SYNM: variants seen among roughly 807,000 people sequenced by gnomAD.
SYNM encodes the protein desmuslin.
A neutral mutation model predicts 104.0 loss-of-function variants in SYNM; 95 were observed. The ratio of observed to expected loss-of-function variants is 0.91; its 90% CI spans 0.77 to 1.08. The LOEUF (loss-of-function observed/expected upper bound fraction) is 1.08, where lower values mean the gene tolerates loss of function less well. Ranked by LOEUF, SYNM falls within the 50% of genes least tolerant of loss-of-function variation. The pLI is 0.00. For missense variants in SYNM, 2,150 were observed against 2,052.2 expected (o/e 1.05, Z -0.92); for synonymous variants, 918 against 869.0 (o/e 1.06, Z -0.99).
In SYNM at chr15:99,130,793, C is replaced by T; in HGVS notation, c.2433C>T (p.Asn811=). The T allele has an allele frequency of 6.2e-7, 1 of 1,613,954 alleles. No individual in the cohort carries two copies. Among genetic ancestry groups the T allele is most frequent in the Non-Finnish European group, 8.5e-7 (1 of 1,179,890 alleles). ...GAAGGACCAAGCAGCCTCAGGAGAACACGACTCACGTGGAAGAAGTGACAG... is the reference window on the plus strand; with the variant it reads ...GAAGGACCAAGCAGCCTCAGGAGAATACGACTCACGTGGAAGAAGTGACAG... ...QHRRTKQPQE[N]TTHVEEVTEA... Residue 811 remains asparagine (N), a synonymous_variant, in exon 4 of 4, where the codon AAC becomes AAT. Coordinates refer to ENST00000336292, the MANE Select transcript of SYNM (RefSeq NM_145728.3).
chr15:99,122,880 C>G (rs2067414048), intron 2 of SYNM, among the ~76,000 whole-genome samples: 1 of 152,168 alleles, frequency 6.6e-6, no homozygotes, highest in Non-Finnish European at 1.5e-5. Flanking sequence ...AAAGGATCGA[C>G]CAGTACCTTT....
chr15:99,124,867 C>T (rs2151806340), intron 2 of SYNM, among the ~76,000 whole-genome samples: 1 of 152,274 alleles, frequency 6.6e-6, no homozygotes, highest in Admixed American at 6.5e-5. Flanking sequence ...GCCTGGTGCT[C>T]AGTGTCAGCC....
intron 2 of SYNM, among the ~76,000 whole-genome samples, chr15:99,121,564 T>C (rs1001508772): frequency 4.6e-5 from 7 of 152,278 alleles, no homozygotes; most frequent in Admixed American, 3.9e-4. Context: ...GATGATGAGA[T>C]GGTGAAAACC....
At chr15:99,111,558 A>G (rs2067299938) in intron 1 of SYNM, among the ~76,000 whole-genome samples, 1 of 152,168 alleles carries the variant, frequency 6.6e-6, no homozygotes, top group Non-Finnish European at 1.5e-5. Context: ...CAGCTGTGGG[A>G]TCTGTTATCG....
At position 99,105,159 on chromosome 15, in the gene SYNM, A is replaced by T; in HGVS notation, c.-41A>T. The T allele has an allele frequency of 6.4e-7, 1 of 1,552,972 alleles. No homozygotes were observed. On this transcript the variant is annotated 5_prime_UTR_variant, in exon 1 of 4. Transcript: ENST00000336292. The stretch of plus-strand genomic sequence containing the variant: ...GAGACCGGGACAAGACCAGGGCAGG[A>T]GGGAGCCGGCCAGCCGCGAGAACCC...
At position 99,130,889 on chromosome 15, in the gene SYNM, C is replaced by T. The variant is rs1567283906; in HGVS notation, c.2529C>T (p.Asp843=). ...STPDEHPGGH[D]RDDGSVYGQI... ...CAGATGAACACCCCGGGGGGCACGA[C>T]AGAGATGACGGCTCGGTGTACGGGC... The change falls in exon 4 of 4, where the codon GAC becomes GAT. Residue 843 remains aspartate, a synonymous_variant. Coordinates refer to ENST00000336292, the MANE Select transcript of SYNM (RefSeq NM_145728.3). 3.1e-6 allele frequency: 5 copies of T among 1,613,902 alleles called. No individual in the cohort carries two copies. The highest frequency in any genetic ancestry group is 4.2e-6 in the Non-Finnish European group (5 of 1,179,878).
At chr15:99,113,524 TGG>T in intron 1 of SYNM, 65 bp from the exon 2 acceptor site, 1 of 1,595,394 alleles carries the variant, frequency 6.3e-7, no homozygotes, top group Non-Finnish European at 8.6e-7. Flanking sequence ...CCTGAATTGT[TGG>T]TACCTTCAGT....
chr15:99,113,475 C>G, intron 1 of SYNM, 116 bp from the exon 2 acceptor site: 1 of 1,358,022 alleles, frequency 7.4e-7, no homozygotes, highest in Non-Finnish European at 1.0e-6. Context: ...GGGTGTTTTT[C>G]TGGTCTGCTA....
At position 99,105,483 on chromosome 15, in the gene SYNM, T is replaced by C. The variant is rs1555482431; in HGVS notation, c.284T>C (p.Leu95Pro). Residue 95 changes from leucine (L) to proline (P), a missense_variant, in exon 1 of 4, where the codon CTG (leucine) becomes CCG (proline). By Grantham distance (98) the Leu-to-Pro change is moderately conservative. Coordinates refer to ENST00000336292, the MANE Select transcript of SYNM (RefSeq NM_145728.3). ...RDALRRELRE[L>P]QRLDAEERAA... ...GCTCTGCGGCGCGAGCTGCGGGAGC[T>C]GCAGCGCCTGGATGCGGAGGAGCGC... 2 of 1,359,032 alleles carry C rather than the reference T, an allele frequency of 1.5e-6. No individual in the cohort carries two copies. The highest frequency in any genetic ancestry group is 9.4e-7 in the Non-Finnish European group (1 of 1,059,608). 84.2% of individuals were successfully genotyped at this position (1,359,032 alleles called of 1,614,324 possible). A position where few individuals can be genotyped will look rare whatever the true frequency, so the allele number is the denominator to read the frequency against.
intron 2 of SYNM, among the ~76,000 whole-genome samples, chr15:99,122,795 C>T (rs1369471187): frequency 6.6e-6 from 1 of 152,186 alleles, no homozygotes. Context: ...GCTGAGATGG[C>T]ACCACTGCAC....
intron 2 of SYNM, among the ~76,000 whole-genome samples, chr15:99,114,986 A>C (rs1457144611): frequency 2.6e-5 from 4 of 152,160 alleles, no homozygotes; most frequent in African/African-American, 7.2e-5. Flanking sequence ...CGTGGTGCTG[A>C]GTTCTTTGCC....
chr15:99,105,383 G>C lies in SYNM; in HGVS notation c.184G>C (p.Glu62Gln). ...GGCCGAGGGGCAGGCCCGCTGCGCC[G>C]AGGAGGCGCGCAGCTTGCGGCAGCA... is the stretch of plus-strand genomic sequence containing the variant. ...LWAEGQARCAEEARSLRQQLD... is the reference protein window; with the variant it reads ...LWAEGQARCAQEARSLRQQLD... The change falls in exon 1 of 4, where the codon GAG (glutamate) becomes CAG (glutamine). Residue 62 changes from glutamate (E) to glutamine (Q), a missense_variant. Physicochemically the swap from Glu to Gln is conservative, Grantham distance 29. Coordinates refer to ENST00000336292, the MANE Select transcript of SYNM (RefSeq NM_145728.3). 6.6e-7 allele frequency: 1 copy of C among 1,517,104 alleles called. No homozygotes were observed. The highest frequency in any genetic ancestry group is 8.8e-7 in the Non-Finnish European group (1 of 1,138,466). 94.0% of individuals were successfully genotyped at this position (1,517,104 alleles called of 1,614,324 possible).
downstream of SYNM, chr15:99,139,282 A>G (rs2067932719): frequency 6.3e-7 from 1 of 1,578,120 alleles, no homozygotes; most frequent in Admixed American, 1.7e-5. Flanking sequence ...TGGAAAGGGA[A>G]TGAGATAGAG....
chr15:99,131,062 A>G lies in SYNM; in HGVS notation c.2702A>G (p.Asp901Gly), dbSNP rs376913684. 1.9e-6 allele frequency: 3 copies of G among 1,606,270 alleles called. No homozygotes were observed. The African/African-American group carries it at 4.0e-5, about 22-fold the overall frequency. ...GTCCCAGCGCCCTCTCTGGAGGGGG[A>G]CCTGGGTTCCACTCACTGGAAAGAA... ...LDVPAPSLEG[D>G]LGSTHWKEQA... Residue 901 changes from aspartate to glycine, a missense_variant, in exon 4 of 4, where the codon GAC (aspartate) becomes GGC (glycine). Transcript: ENST00000336292. The surrounding 1 kb of genome is among the most constrained non-coding windows in gnomAD (Gnocchi z 4.3).
chr15:99,110,131 T>G, intron 1 of SYNM, among the ~76,000 whole-genome samples: 1 of 152,090 alleles, frequency 6.6e-6, no homozygotes, highest in Admixed American at 6.5e-5. Flanking sequence ...AGATTGAATG[T>G]GATGGGAGAG....
chr15:99,118,786 C>G (rs1555484222), intron 2 of SYNM, among the ~76,000 whole-genome samples: 1 of 152,174 alleles, frequency 6.6e-6, no homozygotes, highest in African/African-American at 2.4e-5. Context: ...TTGGCCAGTG[C>G]ATGGCCAGGG....
chr15:99,124,652 CTGG>C (rs1270252943), intron 2 of SYNM, among the ~76,000 whole-genome samples: 4 of 152,212 alleles, frequency 2.6e-5, no homozygotes, highest in African/African-American at 9.7e-5. Flanking sequence ...TCTGGCCTCA[CTGG>C]GAGGCCTAGT....
chr15:99,132,542 AT>A lies in SYNM; in HGVS notation c.4183del (p.Ser1395ArgfsTer12). 1 of 1,614,060 alleles carries A rather than the reference AT, an allele frequency of 6.2e-7. No homozygotes were observed. On this transcript the variant is annotated frameshift_variant, in exon 4 of 4. Coordinates refer to ENST00000336292, the MANE Select transcript of SYNM (RefSeq NM_145728.3). LOFTEE classifies it high-confidence loss of function. The stretch of plus-strand genomic sequence containing the variant: ...AGGACACATCAGGGGCAGAAATGAC[AT>A]CGGGTGTTAGCAGATCCTTTAGGCA... Reference protein sequence around the residue: ...AEDTSGAEMTSGVSRSFRHIR... With the variant: ...AEDTSGAEMTXGVSRSFRHIR...
At position 99,131,416 on chromosome 15, in the gene SYNM, T is replaced by G. The variant is rs1198268225; in HGVS notation, c.3056T>G (p.Leu1019Arg). The change falls in exon 4 of 4, where the codon CTG becomes CGG. Residue 1019 changes from leucine to arginine, a missense_variant. Physicochemically the swap from Leu to Arg is moderately radical, Grantham distance 102. Coordinates refer to ENST00000336292, the MANE Select transcript of SYNM (RefSeq NM_145728.3). This position sits in a 1 kb window ranked among gnomAD's most constrained non-coding sequence, Gnocchi z 4.3. Reference sequence around the variant, plus strand: ...GCCGATCGGTTAGACCTGGAGGAGCTGAGCAAAGATGAGGCCAGTGAGATG... The same window carrying G: ...GCCGATCGGTTAGACCTGGAGGAGCGGAGCAAAGATGAGGCCAGTGAGATG... Reference protein sequence around the residue: ...VDADRLDLEELSKDEASEMEK... With the variant: ...VDADRLDLEERSKDEASEMEK... 6.2e-7 allele frequency: 1 copy of G among 1,610,732 alleles called. No individual in the cohort carries two copies. Among genetic ancestry groups the G allele is most frequent in the Non-Finnish European group, 8.5e-7 (1 of 1,179,184 alleles).
Sources: allele counts gnomAD v4.1 joint callset (sites outside exome capture counted in the v4.1 genomes callset), GRCh38; gene constraint gnomAD v4.1.1; non-coding constraint Gnocchi (gnomAD v3.1); transcripts MANE v1.5; gene names NCBI Gene and HGNC (gene_info 2026-07-23, HGNC 2026-07-21).